The following PLCL1 variants were observed in gnomAD, a reference collection of about 807,000 sequenced individuals.
The protein encoded by PLCL1 is inactive phospholipase C-like protein 1.
PLCL1 carries 41 observed loss-of-function variants against 84.4 expected under a neutral mutation model. The ratio of observed to expected loss-of-function variants is 0.49; its 90% confidence interval spans 0.38 to 0.63. PLCL1 has a LOEUF of 0.63. Among genes scored for constraint, PLCL1 ranks in the 30% least tolerant of loss-of-function variants. The probability of loss-of-function intolerance (pLI) is 0.00; values close to 1 mark genes in which losing one functional copy is unlikely to be tolerated. For missense variants in PLCL1, 1,206 were observed against 1,367.8 expected (o/e 0.88, Z 1.87); for synonymous variants, 490 against 488.3 (o/e 1.00, Z -0.05).
intron 5 of PLCL1, among the ~76,000 whole-genome samples, chr2:198,105,896 T>C (rs1693462626): frequency 6.6e-6 from 1 of 151,874 alleles, no homozygotes; most frequent in Admixed American, 6.6e-5. Flanking sequence ...AATTTTGAAG[T>C]AAATATGCCA....
At chr2:198,038,687 T>C (rs1691596359) in intron 1 of PLCL1, among the ~76,000 whole-genome samples, 1 of 152,064 alleles carries the variant, frequency 6.6e-6, no homozygotes, top group Non-Finnish European at 1.5e-5. Context: ...TTTTTCCTTT[T>C]GAAATGTAGA....
At chr2:197,998,222 G>C (rs1402842214) in intron 1 of PLCL1, among the ~76,000 whole-genome samples, 1 of 120,958 alleles carries the variant, frequency 8.3e-6, no homozygotes, top group Non-Finnish European at 1.9e-5. Context: ...TGTGTGATAT[G>C]AGATTGCTTG....
chr2:197,889,742 G>A (rs1017635344), intron 1 of PLCL1, among the ~76,000 whole-genome samples: 1 of 151,958 alleles, frequency 6.6e-6, no homozygotes, highest in African/African-American at 2.4e-5. Context: ...AGTTTTGTTT[G>A]TGTTTTAGGC....
chr2:197,933,071 C>G (rs1359724530), intron 1 of PLCL1, among the ~76,000 whole-genome samples: 7 of 152,122 alleles, frequency 4.6e-5, no homozygotes, highest in Non-Finnish European at 1.0e-4. Flanking sequence ...AAAATGCTTG[C>G]CCTTGACTTA....
intron 1 of PLCL1, among the ~76,000 whole-genome samples, chr2:197,896,188 T>C (rs1249871937): frequency 6.6e-6 from 1 of 152,064 alleles, no homozygotes; most frequent in Admixed American, 6.6e-5. Context: ...GTTCTGTTAA[T>C]ACTCTGAATT....
At chr2:197,998,097 AAAACT>A (rs1204474532) in intron 1 of PLCL1, among the ~76,000 whole-genome samples, 5 of 151,766 alleles carry the variant, frequency 3.3e-5, no homozygotes, top group Non-Finnish European at 2.9e-5. Context: ...ACAGAAACTG[AAAACT>A]GAGGCCAGAG....
At chr2:197,868,251 G>A (rs1191785417) in intron 1 of PLCL1, among the ~76,000 whole-genome samples, 1 of 152,086 alleles carries the variant, frequency 6.6e-6, no homozygotes, top group African/African-American at 2.4e-5. Flanking sequence ...TACATGGCTA[G>A]GCATTTACTG....
At position 198,084,851 on chromosome 2, in the gene PLCL1, A is replaced by T. The variant is rs1275271693; in HGVS notation, c.1334A>T (p.Asp445Val). 1 of 1,614,012 alleles carries T rather than the reference A, an allele frequency of 6.2e-7. No individual in the cohort carries two copies. The highest frequency in any genetic ancestry group is 2.2e-5 in the East Asian group (1 of 44,874). ...LKMGCRSVEL[D>V]VSDGSDNEPI... ...ATGGGCTGTCGAAGCGTTGAACTCG[A>T]TGTAAGTGATGGTTCAGATAATGAA... Residue 445 changes from aspartate (D) to valine (V), a missense_variant, in exon 2 of 6, where the codon GAT becomes GTT. Asp to Val is a radical substitution (Grantham distance 152). Transcript: ENST00000428675.
intron 1 of PLCL1, among the ~76,000 whole-genome samples, chr2:197,937,847 G>A (rs544629261): frequency 4.5e-4 from 68 of 152,256 alleles, no homozygotes; most frequent in African/African-American, 1.6e-3. Flanking sequence ...ACCAAGAGAA[G>A]GATCAAGGAT....
intron 1 of PLCL1, among the ~76,000 whole-genome samples, chr2:197,901,032 T>C (rs1688255145): frequency 6.6e-6 from 1 of 152,330 alleles, no homozygotes; most frequent in South Asian, 2.1e-4. Context: ...ATGGATTAGG[T>C]ACATACACAT....
intron 1 of PLCL1, among the ~76,000 whole-genome samples, chr2:197,979,817 T>C (rs1006798155): frequency 5.3e-5 from 8 of 152,140 alleles, no homozygotes; most frequent in Admixed American, 3.3e-4. Flanking sequence ...ATTCATTATT[T>C]AATAAAAACT....
chr2:198,143,793 T>C (rs1694448023), intron 5 of PLCL1, among the ~76,000 whole-genome samples: 1 of 152,096 alleles, frequency 6.6e-6, no homozygotes, highest in Non-Finnish European at 1.5e-5. Context: ...TATTCCTCCT[T>C]CATAAAAAAA....
chr2:197,988,007 A>C (rs988165553), intron 1 of PLCL1, among the ~76,000 whole-genome samples: 3 of 152,188 alleles, frequency 2.0e-5, no homozygotes, highest in Non-Finnish European at 2.9e-5. Context: ...AGATAATAGC[A>C]CATGTTAAAG....
chr2:197,990,273 T>A (rs973956276), intron 1 of PLCL1, among the ~76,000 whole-genome samples: 2 of 152,186 alleles, frequency 1.3e-5, no homozygotes, highest in Admixed American at 1.3e-4. Flanking sequence ...CCTAGAGATA[T>A]GAGTTTGCAA....
intron 1 of PLCL1, among the ~76,000 whole-genome samples, chr2:198,069,968 A>G (rs1435685495): frequency 6.6e-6 from 1 of 152,148 alleles, no homozygotes; most frequent in Non-Finnish European, 1.5e-5. Flanking sequence ...TTGGTGAACT[A>G]ATGTATACTT....
Position 198,085,229 on chromosome 2 carries a change from A to G in PLCL1, c.1712A>G (p.Asp571Gly), listed in dbSNP as rs1328290463. Residue 571 changes from aspartate (D) to glycine (G), a missense_variant, in exon 2 of 6, where the codon GAT becomes GGT. Transcript: ENST00000428675. The surrounding 1 kb of genome is among the most constrained non-coding windows in gnomAD (Gnocchi z 5.3). Reference protein sequence around the residue: ...EAEMSRRMSVDYNGEQKQIRL... With the variant: ...EAEMSRRMSVGYNGEQKQIRL... ...GAAATGTCTCGAAGGATGTCGGTAG[A>G]TTACAATGGTGAGCAGAAGCAAATC... The G allele has an allele frequency of 6.2e-7, 1 of 1,613,876 alleles. No individual in the cohort carries two copies. The highest frequency in any genetic ancestry group is 8.5e-7 in the Non-Finnish European group (1 of 1,179,942).
At chr2:198,113,308 A>C (rs1350977736) in intron 5 of PLCL1, among the ~76,000 whole-genome samples, 4 of 152,050 alleles carry the variant, frequency 2.6e-5, no homozygotes, top group African/African-American at 9.6e-5. Context: ...TTTTTATTTC[A>C]TTTTATTTTT....
intron 2 of PLCL1, among the ~76,000 whole-genome samples, chr2:198,088,481 G>A (rs1463102571): frequency 6.6e-6 from 1 of 152,214 alleles, no homozygotes. Flanking sequence ...TCAGATGGAG[G>A]GTGGTGAGCA....
At position 197,942,361 on chromosome 2, in the gene PLCL1, C is replaced by T. The variant is rs192747985; in HGVS notation, c.240+137022C>T. The stretch of plus-strand genomic sequence containing the variant: ...TCCCCATCTAGAAAATTCATTCCTC[C>T]GTATTGCCACTACCACTGAATTTCT... On this transcript the variant is annotated intron_variant, in intron 1 of 5. Transcript: ENST00000428675. Among the ~76,000 whole-genome samples, 8 of 152,248 alleles carry T rather than the reference C, an allele frequency of 5.3e-5. No homozygotes were observed. In the East Asian group the frequency reaches 1.5e-3, roughly 29 times the overall value.
Sources: allele counts gnomAD v4.1 joint callset (sites outside exome capture counted in the v4.1 genomes callset), GRCh38; gene constraint gnomAD v4.1.1; non-coding constraint Gnocchi (gnomAD v3.1); transcripts MANE v1.5; gene names NCBI Gene and HGNC (gene_info 2026-07-23, HGNC 2026-07-21).